Variants in NF1 observed in about 807,000 individuals in gnomAD.
NF1 encodes the protein neurofibromin 1, also known as neurofibromin.
Under a neutral mutation model 325.7 loss-of-function variants are expected in NF1, and 122 were observed. That is an observed-to-expected ratio of 0.37 (90% CI 0.32 to 0.44). NF1 has a LOEUF of 0.44. NF1 is among the 20% of genes least tolerant of loss of function. The pLI, the probability that NF1 is intolerant of heterozygous loss-of-function variation, is 1.00. For missense variants in NF1, 2,140 were observed against 3,415.4 expected, an observed-to-expected ratio of 0.63 and a Z score of 9.31; for synonymous variants, 1,091 against 1,186.0, an observed-to-expected ratio of 0.92 and a Z score of 1.65.
intron 25 of NF1, 116 bp from the exon 26 acceptor site, chr17:31,232,584 A>T (rs2067131233): frequency 1.0e-6 from 1 of 988,906 alleles, no homozygotes; most frequent in East Asian, 2.6e-5. Context: ...GAGAGGAGAG[A>T]AACAGTTAAC....
At chr17:31,151,744 A>G (rs538149796) in intron 1 of NF1, among the ~76,000 whole-genome samples, 1 of 152,324 alleles carries the variant, frequency 6.6e-6, no homozygotes, top group Admixed American at 6.5e-5. Flanking sequence ...AAAAGTCTGT[A>G]CCTGTTCAGT....
rs901357000 is a variant in NF1, at chr17:31,241,977, C to G, written c.3974+5956C>G. Among the ~76,000 whole-genome samples, 27 of 151,928 alleles carry G rather than the reference C, an allele frequency of 1.8e-4. 1 individual carries two copies. Among genetic ancestry groups the G allele is most frequent in the Non-Finnish European group, 2.9e-5 (2 of 67,986 alleles). On this transcript the variant is annotated intron_variant, in intron 29 of 57. Transcript: ENST00000358273. ...TTTGTCTAGGAAAGTCTTTATTTCT[C>G]CATATATGAAGGATATTTTCACTGG...
chr17:31,102,949 G>A (rs1461396031), intron 1 of NF1, among the ~76,000 whole-genome samples: 3 of 151,514 alleles, frequency 2.0e-5, no homozygotes, highest in Non-Finnish European at 1.5e-5. Context: ...GGGTTCAAGC[G>A]ATTCTCCTGC....
Position 31,159,013 on chromosome 17 carries a change from A to C in NF1, c.208A>C (p.Ile70Leu). 1 of 1,563,212 alleles carries C rather than the reference A, an allele frequency of 6.4e-7. No homozygotes were observed. Among genetic ancestry groups the C allele is most frequent in the Non-Finnish European group, 8.8e-7 (1 of 1,133,910 alleles). Residue 70 changes from isoleucine (I) to leucine (L), a missense_variant, in exon 3 of 58, where the codon ATA becomes CTA. Transcript: ENST00000358273. ...TTCTGAATATCTTTTCTGTTAGAGA[A>C]TATTTGGAGAAGCTGCTGAAAAAAA... ...TILKNVNNMR[I>L]FGEAAEKNLY...
chr17:31,132,056 A>G (rs1261140464), intron 1 of NF1, among the ~76,000 whole-genome samples: 2 of 152,048 alleles, frequency 1.3e-5, no homozygotes, highest in African/African-American at 4.8e-5. Context: ...TTAGCCTCTC[A>G]AGTAGCTGGG....
intron 5 of NF1, among the ~76,000 whole-genome samples, chr17:31,174,743 GAATT>G (rs2065988518): frequency 6.6e-6 from 1 of 152,112 alleles, no homozygotes. Flanking sequence ...GATTCAAAAA[GAATT>G]AAGTGTATCA....
intron 36 of NF1, among the ~76,000 whole-genome samples, chr17:31,282,966 C>T (rs2068150425): frequency 6.6e-6 from 1 of 152,188 alleles, no homozygotes. Context: ...ATAAATCCCT[C>T]CTTTTCTAAA....
intron 3 of NF1, among the ~76,000 whole-genome samples, chr17:31,161,564 A>C (rs1013813376): frequency 7.2e-5 from 11 of 152,238 alleles, no homozygotes; most frequent in African/African-American, 2.7e-4. Flanking sequence ...TTAATTGTAA[A>C]GTATATATTT....
At chr17:31,229,605 T>C in intron 21 of NF1, 140 bp downstream of exon 21, 1 of 1,092,830 alleles carries the variant, frequency 9.2e-7, no homozygotes, top group Non-Finnish European at 1.4e-6. Flanking sequence ...AAGAGTCATC[T>C]CAATGTAGGG....
rs917706625 is a variant in NF1, at chr17:31,155,972, T to C, written c.61-11T>C. The C allele has an allele frequency of 1.2e-6, 2 of 1,611,448 alleles. No homozygotes were observed. The highest frequency in any genetic ancestry group is 2.2e-5 in the South Asian group (2 of 90,630). On this transcript the variant is annotated splice_polypyrimidine_tract_variant and intron_variant, in intron 1 of 57. Transcript: ENST00000358273. ...AGCTGTTAACGTGTTTTTTTTTTCTTTTTTTTTCAGCTTCCAATAAAAACA... is the reference window on the plus strand; with the variant it reads ...AGCTGTTAACGTGTTTTTTTTTTCTCTTTTTTTCAGCTTCCAATAAAAACA...
intron 8 of NF1, among the ~76,000 whole-genome samples, chr17:31,187,326 G>A (rs112953042): frequency 0.18 from 27,629 of 152,138 alleles, 3,246 homozygotes; most frequent in Non-Finnish European, 0.26. Flanking sequence ...AGCCTTCCGA[G>A]TACCTGGGAC....
At chr17:31,266,014 A>C (rs2067781859) in intron 36 of NF1, among the ~76,000 whole-genome samples, 1 of 152,112 alleles carries the variant, frequency 6.6e-6, no homozygotes, top group African/African-American at 2.4e-5. Context: ...TTATTTGGTC[A>C]GTTTTACTTT....
chr17:31,156,100 A>G lies in NF1; in HGVS notation c.178A>G (p.Thr60Ala), dbSNP rs546729596. 4.3e-6 allele frequency: 7 copies of G among 1,613,624 alleles called. No individual in the cohort carries two copies. In the South Asian group the frequency reaches 4.4e-5, roughly 10 times the overall value. The part of the protein sequence containing the change: ...KFSLVISGLT[T>A]ILKNVNNMRI... ...TTCTTTGGTTATAAGCGGCCTCACTACTATTTTAAAGAATGTTAACAATAT... is the reference window on the plus strand; with the variant it reads ...TTCTTTGGTTATAAGCGGCCTCACTGCTATTTTAAAGAATGTTAACAATAT... Residue 60 changes from threonine to alanine, a missense_variant, in exon 2 of 58, where the codon ACT (threonine) becomes GCT (alanine). By Grantham distance (58) the Thr-to-Ala change is moderately conservative. Transcript: ENST00000358273.
chr17:31,144,430 G>A (rs760989119), intron 1 of NF1, among the ~76,000 whole-genome samples: 2 of 152,160 alleles, frequency 1.3e-5, no homozygotes, highest in Non-Finnish European at 2.9e-5. Flanking sequence ...TGTATAATAA[G>A]CTACTCCAAA....
At chr17:31,340,200 A>G in intron 46 of NF1, 1 of 379,294 alleles carries the variant, frequency 2.6e-6, no homozygotes, top group Non-Finnish European at 4.9e-6. Context: ...GCAATAAGAA[A>G]GAAATGACAA....
At chr17:31,292,997 A>G (rs915350751) in intron 36 of NF1, among the ~76,000 whole-genome samples, 1 of 151,632 alleles carries the variant, frequency 6.6e-6, no homozygotes, top group Non-Finnish European at 1.5e-5. Flanking sequence ...GGCCAACATG[A>G]TGAAGCCCCG....
chr17:31,319,397 C>T (rs909833185), intron 36 of NF1, among the ~76,000 whole-genome samples: 7 of 151,484 alleles, frequency 4.6e-5, no homozygotes, highest in Non-Finnish European at 8.8e-5. Flanking sequence ...AATTAAGGAT[C>T]ATTCTTACAG....
chr17:31,100,070 T>G (rs1255171935), intron 1 of NF1, among the ~76,000 whole-genome samples: 1 of 151,674 alleles, frequency 6.6e-6, no homozygotes, highest in Non-Finnish European at 1.5e-5. Context: ...GTAAATATGT[T>G]CATTTAAAGC....
chr17:31,259,224 G>C, intron 33 of NF1, 95 bp downstream of exon 33: 2 of 853,826 alleles, frequency 2.3e-6, no homozygotes, highest in South Asian at 3.0e-5. Flanking sequence ...AAGTTCCTGT[G>C]TAAGTTTTTT....
Sources: gnomAD v4.1 joint callset for allele counts (sites outside exome capture counted in the v4.1 genomes callset) on GRCh38, gnomAD v4.1.1 for gene constraint, MANE v1.5 for transcripts, NCBI Gene and HGNC (gene_info 2026-07-23, HGNC 2026-07-21) for gene names.